Variants in BTRC observed in about 807,000 individuals in gnomAD.
BTRC encodes the protein F-box/WD repeat-containing protein 1A.
A neutral mutation model predicts 85.5 loss-of-function variants in BTRC; 42 were observed. The observed-to-expected ratio is 0.49, with a 90% CI of 0.38 to 0.64. The LOEUF (loss-of-function observed/expected upper bound fraction) is 0.64, where lower values mean the gene tolerates loss of function less well. BTRC is among the 30% of genes least tolerant of loss of function. The pLI, the probability that BTRC is intolerant of heterozygous loss-of-function variation, is 0.00. For missense variants in BTRC, 594 were observed against 743.5 expected, an observed-to-expected ratio of 0.80 and a Z score of 2.34; for synonymous variants, 255 against 263.3, an observed-to-expected ratio of 0.97 and a Z score of 0.30.
At chr10:101,369,205 A>G (rs973265153) in intron 1 of BTRC, among the ~76,000 whole-genome samples, 35 of 149,490 alleles carry the variant, frequency 2.3e-4, no homozygotes, top group African/African-American at 8.1e-4. Context: ...TTTTTCCCCT[A>G]TTGGAGTATT....
intron 1 of BTRC, among the ~76,000 whole-genome samples, chr10:101,414,256 G>A (rs1943863531): frequency 6.6e-6 from 1 of 152,116 alleles, no homozygotes; most frequent in Admixed American, 6.5e-5. Context: ...GTCAGTGATG[G>A]ACTGTGTACA....
chr10:101,374,964 G>A (rs553193713), intron 1 of BTRC, among the ~76,000 whole-genome samples: 4 of 152,214 alleles, frequency 2.6e-5, no homozygotes, highest in African/African-American at 9.6e-5. Context: ...GCCAGTTAAG[G>A]AGGCACAAAG....
chr10:101,429,571 C>G (rs1006976126), intron 1 of BTRC, among the ~76,000 whole-genome samples: 2 of 129,530 alleles, frequency 1.5e-5, no homozygotes, highest in Non-Finnish European at 3.2e-5. Flanking sequence ...CTCTCTCTCT[C>G]CTTTCTCTCT....
chr10:101,494,902 A>G (rs1043509629), intron 4 of BTRC, among the ~76,000 whole-genome samples: 1 of 152,244 alleles, frequency 6.6e-6, no homozygotes, highest in African/African-American at 2.4e-5. Context: ...GGAGGCAGTG[A>G]CATCATCATA....
chr10:101,526,506 C>T (rs559342281), intron 6 of BTRC, among the ~76,000 whole-genome samples: 1 of 152,346 alleles, frequency 6.6e-6, no homozygotes, highest in East Asian at 1.9e-4. Flanking sequence ...TGGCTGGGCA[C>T]AGTGCGTTCA....
At chr10:101,546,139 A>G (rs1194384822) in intron 13 of BTRC, among the ~76,000 whole-genome samples, 1 of 152,256 alleles carries the variant, frequency 6.6e-6, no homozygotes, top group Non-Finnish European at 1.5e-5. Flanking sequence ...ATTGACAACT[A>G]TAGAATGCTT....
rs557892646 is a variant in BTRC at position 101,555,534 on chromosome 10, C to T, written c.*2411C>T. On this transcript the variant is annotated 3_prime_UTR_variant, in exon 15 of 15. Coordinates refer to ENST00000370187, the MANE Select transcript of BTRC (RefSeq NM_033637.4). ...AGTGGTCTGAAAAACTTGAATCGTT[C>T]ACATTTCTCAGCTCTGGGGGTCATT... The T allele has an allele frequency of 6.6e-6, 1 of 152,612 alleles. No homozygotes were observed. The highest frequency in any genetic ancestry group is 2.1e-4 in the South Asian group (1 of 4,826). The allele number at this position is 152,612 out of a possible 1,614,324, so 9.5% of individuals were successfully genotyped here. A position where few individuals can be genotyped will look rare whatever the true frequency, so the allele number is the denominator to read the frequency against.
At chr10:101,477,429 GTAAT>G (rs1589523317) in intron 3 of BTRC, among the ~76,000 whole-genome samples, 1 of 152,136 alleles carries the variant, frequency 6.6e-6, no homozygotes, top group East Asian at 1.9e-4. Context: ...ATATTGTCCA[GTAAT>G]TAATAAGTTT....
intron 3 of BTRC, among the ~76,000 whole-genome samples, chr10:101,475,582 C>T (rs895236689): frequency 1.3e-5 from 2 of 151,948 alleles, no homozygotes; most frequent in Non-Finnish European, 2.9e-5. Context: ...TTTATAATAT[C>T]GATGGGGAGT....
Position 101,504,250 on chromosome 10 carries a change from G to A in BTRC, c.325-17389G>A, listed in dbSNP as rs1011987052. The stretch of plus-strand genomic sequence containing the variant: ...TACTCCGCCTGAAACATTAAGTAGT[G>A]GTTTTAAAAAATAGTTTTTTATCTC... On this transcript the variant is annotated intron_variant, in intron 4 of 14. Coordinates refer to ENST00000370187, the MANE Select transcript of BTRC (RefSeq NM_033637.4). Among the ~76,000 whole-genome samples the A allele has an allele frequency of 5.9e-5, 9 of 152,042 alleles. No homozygotes were observed. In the South Asian group the frequency reaches 1.9e-3, roughly 32 times the overall value.
chr10:101,538,470 A>G (rs970124764), intron 13 of BTRC, 99 bp downstream of exon 13: 2 of 1,050,490 alleles, frequency 1.9e-6, no homozygotes, highest in East Asian at 2.4e-5. Context: ...AATAGTTACA[A>G]CCTCACAAAA....
At chr10:101,446,416 A>G (rs1476000988) in intron 2 of BTRC, among the ~76,000 whole-genome samples, 1 of 152,038 alleles carries the variant, frequency 6.6e-6, no homozygotes, top group Non-Finnish European at 1.5e-5. Context: ...TTTCCTCCCA[A>G]AGAAGCAAAT....
chr10:101,462,590 A>C (rs1009139317), intron 3 of BTRC, among the ~76,000 whole-genome samples: 1 of 151,454 alleles, frequency 6.6e-6, no homozygotes, highest in Non-Finnish European at 1.5e-5. Context: ...GAGGCAGGAG[A>C]ATCACTTGAA....
intron 1 of BTRC, among the ~76,000 whole-genome samples, chr10:101,411,710 G>T (rs1017282992): frequency 7.6e-6 from 1 of 131,128 alleles, no homozygotes; most frequent in Non-Finnish European, 1.8e-5. Context: ...TAATTTCATT[G>T]TCAGTTTTTT....
intron 4 of BTRC, among the ~76,000 whole-genome samples, chr10:101,482,393 CTTTTTT>C (rs55978440): frequency 9.0e-5 from 9 of 99,822 alleles, no homozygotes; most frequent in African/African-American, 2.8e-4. Context: ...TTGTTTGTTT[CTTTTTT>C]TTTTTTTTTT....
chr10:101,539,852 A>C (rs1248964773), intron 13 of BTRC, among the ~76,000 whole-genome samples: 1 of 152,200 alleles, frequency 6.6e-6, no homozygotes, highest in Non-Finnish European at 1.5e-5. Flanking sequence ...ACAGTCTGTA[A>C]TTTAGTCATT....
rs551402216 is a variant in BTRC at position 101,549,953 on chromosome 10, G to A, written c.1657-746G>A. ...GACTAGCTTATAATTGGCCATGATA[G>A]GAGTTTTTAATGCCGTGGAAATCTA... On this transcript the variant is annotated intron_variant, in intron 13 of 14. Transcript: ENST00000370187. 3.3e-5 allele frequency among the ~76,000 whole-genome samples: 5 copies of A among 152,216 alleles called. No homozygotes were observed. In the South Asian group the frequency reaches 8.3e-4, roughly 25 times the overall value.
intron 13 of BTRC, among the ~76,000 whole-genome samples, chr10:101,541,808 T>G (rs2062473283): frequency 6.6e-6 from 1 of 152,224 alleles, no homozygotes; most frequent in South Asian, 2.1e-4. Context: ...ATTCTTTTTA[T>G]GTGTTGTTGG....
chr10:101,382,195 C>T (rs1228928114), intron 1 of BTRC, among the ~76,000 whole-genome samples: 1 of 151,460 alleles, frequency 6.6e-6, no homozygotes, highest in Non-Finnish European at 1.5e-5. Flanking sequence ...GCTGGCCAGG[C>T]TGGTCTCGAA....
Sources: allele counts gnomAD v4.1 joint callset (sites outside exome capture counted in the v4.1 genomes callset), GRCh38; gene constraint gnomAD v4.1.1; transcripts MANE v1.5; gene names NCBI Gene and HGNC (gene_info 2026-07-23, HGNC 2026-07-21).